The following ZNF717 variants were observed in gnomAD, a reference collection of about 807,000 sequenced individuals.
ZNF717 encodes the protein krueppel-like factor X17.
In ZNF717, 9 loss-of-function variants were observed where a neutral mutation model predicts 13.8. That is an observed-to-expected ratio of 0.65 (90% CI 0.39 to 1.14). The LOEUF (loss-of-function observed/expected upper bound fraction) is 1.14. Among genes scored for constraint, ZNF717 ranks in the 50% most tolerant of loss-of-function variants. The probability of loss-of-function intolerance (pLI) is 0.01; values close to 1 mark genes in which losing one functional copy is unlikely to be tolerated. For synonymous variants in ZNF717, 327 were observed against 364.1 expected (o/e 0.90, Z 1.16); for missense variants, 1,040 against 1,080.7 (o/e 0.96, Z 0.53).
At chr3:75,705,363 A>T (rs1937783836), downstream of ZNF717, among the ~76,000 whole-genome samples, 1 of 152,310 alleles carries the variant, frequency 6.6e-6, no homozygotes, top group African/African-American at 2.4e-5. Context: ...AGGATAAAAA[A>T]TTAAAATGGG....
At position 75,737,253 on chromosome 3, in the gene ZNF717, T is replaced by C. The variant is rs1242754318; in HGVS notation, c.2370A>G (p.Glu790=). ...HSGEKPYECD[E]CRKTFYDKTV... Reference sequence around the variant, plus strand: ...TCTTATCGTAAAAAGTTTTCCTACATTCATCACATTCATAGGGTTTCTCTC... The same window carrying C: ...TCTTATCGTAAAAAGTTTTCCTACACTCATCACATTCATAGGGTTTCTCTC... Residue 790 remains glutamate (E), a synonymous_variant, in exon 5 of 5, where the codon GAA becomes GAG. Coordinates refer to ENST00000652011, the MANE Select transcript of ZNF717 (RefSeq NM_001290208.3). 33 of 1,552,522 alleles carry C rather than the reference T, an allele frequency of 2.1e-5. No individual in the cohort carries two copies. The highest frequency in any genetic ancestry group is 7.8e-5 in the Admixed American group (4 of 51,024).
chr3:75,717,554 T>C (rs911272059), intron 4 of ZNF717, among the ~76,000 whole-genome samples: 39 of 152,284 alleles, frequency 2.6e-4, no homozygotes, highest in Middle Eastern at 3.4e-3. Context: ...GCACATACAA[T>C]GTGACAGCTT....
chr3:75,772,983 A>G (rs978135675), intron 2 of ZNF717, among the ~76,000 whole-genome samples: 8 of 152,244 alleles, frequency 5.3e-5, no homozygotes, highest in Non-Finnish European at 7.3e-5. Context: ...TTTAGAAGTT[A>G]TAACAGAAAC....
chr3:75,766,816 C>T (rs1575927212), intron 2 of ZNF717, among the ~76,000 whole-genome samples: 1 of 152,210 alleles, frequency 6.6e-6, no homozygotes, highest in Non-Finnish European at 1.5e-5. Flanking sequence ...AAATTAGAAA[C>T]CAACAACAAA....
At chr3:75,726,873 G>A (rs1442291218), downstream of ZNF717, among the ~76,000 whole-genome samples, 2 of 152,186 alleles carry the variant, frequency 1.3e-5, no homozygotes, top group Admixed American at 6.5e-5. Context: ...TATATAAAAT[G>A]GTATTTTGCA....
chr3:75,736,518 T>C lies in ZNF717; in HGVS notation c.*360A>G, dbSNP rs57887173. 0.064 allele frequency: 14,838 copies of C among 231,968 alleles called. 416 individuals are homozygous for C. Among genetic ancestry groups the C allele is most frequent in the African/African-American group, 0.16 (6,906 of 43,646 alleles). 14.4% of individuals were successfully genotyped at this position (231,968 alleles called of 1,614,324 possible). On this transcript the variant is annotated 3_prime_UTR_variant, in exon 5 of 5. Coordinates refer to ENST00000652011, the MANE Select transcript of ZNF717 (RefSeq NM_001290208.3). ...ACAGAGAAAGTCTGAGTGGTCCACA[T>C]AGAAGATCAAACCAGCCCCAACATT...
At chr3:75,729,648 T>C (rs1938402666), downstream of ZNF717, among the ~76,000 whole-genome samples, 1 of 142,164 alleles carries the variant, frequency 7.0e-6, no homozygotes, top group Non-Finnish European at 1.5e-5. Context: ...GGATAAGCTA[T>C]CAATTTACAT....
chr3:75,727,160 T>G (rs1938300126), downstream of ZNF717, among the ~76,000 whole-genome samples: 7 of 152,404 alleles, frequency 4.6e-5, no homozygotes, highest in South Asian at 1.4e-3. Flanking sequence ...TCCCGTCATC[T>G]TCATAAGCTG....
At chr3:75,734,148 C>A (rs112164175), downstream of ZNF717, among the ~76,000 whole-genome samples, 3 of 152,112 alleles carry the variant, frequency 2.0e-5, no homozygotes, top group Non-Finnish European at 2.9e-5. Context: ...CGGCTCACTG[C>A]AACCTCTGCC....
chr3:75,743,922 G>C (rs1940807616), intron 2 of ZNF717, among the ~76,000 whole-genome samples: 1 of 152,228 alleles, frequency 6.6e-6, no homozygotes, highest in Non-Finnish European at 1.5e-5. Context: ...TGTCCAACTG[G>C]CAACTGGGAA....
intron 2 of ZNF717, among the ~76,000 whole-genome samples, chr3:75,751,739 G>A (rs1421385134): frequency 6.6e-6 from 1 of 151,146 alleles, no homozygotes; most frequent in Non-Finnish European, 1.5e-5. Context: ...GTTGGGTTCT[G>A]AGTGTTTGTC....
chr3:75,698,674 AG>A (rs1937631715), intron 6 of ZNF717, among the ~76,000 whole-genome samples: 1 of 152,308 alleles, frequency 6.6e-6, no homozygotes, highest in South Asian at 2.1e-4. Context: ...TGTACGAAAA[AG>A]CCAGGGTGTG....
At chr3:75,730,550 G>T in exon 6 of ZNF717, 1 of 694,814 alleles carries the variant, frequency 1.4e-6, no homozygotes, top group East Asian at 2.7e-5. Flanking sequence ...AATATCTGAG[G>T]TCCCATACGT....
At chr3:75,769,271 G>C (rs1175872110) in intron 2 of ZNF717, among the ~76,000 whole-genome samples, 1 of 152,100 alleles carries the variant, frequency 6.6e-6, no homozygotes, top group Non-Finnish European at 1.5e-5. Flanking sequence ...AGACAAACCT[G>C]ACTACCTGAC....
At chr3:75,782,874 G>C (rs80183633) in intron 2 of ZNF717, among the ~76,000 whole-genome samples, 2 of 151,874 alleles carry the variant, frequency 1.3e-5, no homozygotes, top group African/African-American at 4.8e-5. Context: ...ACAACATGCC[G>C]TGCTTTAGCA....
intron 2 of ZNF717, among the ~76,000 whole-genome samples, chr3:75,748,682 C>T (rs1474661147): frequency 2.2e-4 from 33 of 152,180 alleles, no homozygotes; most frequent in African/African-American, 5.1e-4. Context: ...GGTATTGATG[C>T]GACATATCTA....
At chr3:75,751,275 A>G (rs1941765970) in intron 2 of ZNF717, among the ~76,000 whole-genome samples, 1 of 151,078 alleles carries the variant, frequency 6.6e-6, no homozygotes, top group Non-Finnish European at 1.5e-5. Flanking sequence ...TTTGTACCCC[A>G]TGTAGTACTC....
chr3:75,757,196 A>G, intron 2 of ZNF717, among the ~76,000 whole-genome samples: 1 of 152,226 alleles, frequency 6.6e-6, no homozygotes, highest in Non-Finnish European at 1.5e-5. Context: ...TGGAGACAAA[A>G]CAGCCTTCTG....
At chr3:75,694,701 T>A (rs1433725845) in intron 6 of ZNF717, among the ~76,000 whole-genome samples, 1 of 152,252 alleles carries the variant, frequency 6.6e-6, no homozygotes, top group Admixed American at 6.5e-5. Flanking sequence ...GTTAAAAGAA[T>A]GGCAATAAAG....
Sources: gnomAD v4.1 joint callset for allele counts (sites outside exome capture counted in the v4.1 genomes callset) on GRCh38, gnomAD v4.1.1 for gene constraint, MANE v1.5 for transcripts, NCBI Gene and HGNC (gene_info 2026-07-23, HGNC 2026-07-21) for gene names.